The following NUP93 variants were observed in gnomAD, a reference collection of about 807,000 sequenced individuals.
NUP93 encodes the protein nuclear pore complex protein Nup93.
In NUP93, 55 loss-of-function variants were observed where a neutral mutation model predicts 107.8. The ratio of observed to expected loss-of-function variants is 0.51; its 90% confidence interval spans 0.41 to 0.64. The LOEUF (loss-of-function observed/expected upper bound fraction) is 0.64. NUP93 is among the 30% of genes least tolerant of loss of function. The probability of loss-of-function intolerance (pLI) is 0.00; values close to 1 mark genes in which losing one functional copy is unlikely to be tolerated. For synonymous variants in NUP93, 390 were observed against 397.5 expected, an observed-to-expected ratio of 0.98 and a Z score of 0.22; for missense variants, 937 against 1,044.7, an observed-to-expected ratio of 0.90 and a Z score of 1.42.
chr16:56,796,696 C>G (rs994682465), intron 3 of NUP93, among the ~76,000 whole-genome samples: 1 of 152,244 alleles, frequency 6.6e-6, no homozygotes, highest in East Asian at 1.9e-4. Flanking sequence ...AGCAAAAACA[C>G]AGCTGGGTAC....
intron 4 of NUP93, among the ~76,000 whole-genome samples, chr16:56,803,753 TA>T (rs1567395806): frequency 2.0e-5 from 3 of 147,948 alleles, no homozygotes; most frequent in Non-Finnish European, 4.5e-5. Flanking sequence ...GAAAAATATA[TA>T]TATATATATA....
chr16:56,806,239 C>T (rs1963136083), intron 5 of NUP93, among the ~76,000 whole-genome samples: 2 of 151,650 alleles, frequency 1.3e-5, no homozygotes, highest in Non-Finnish European at 2.9e-5. Flanking sequence ...CTTTTGTCCT[C>T]TCCATCTTGC....
Position 56,791,012 on chromosome 16 carries a change from C to T in NUP93, c.298-7464C>T, listed in dbSNP as rs535845598. Among the ~76,000 whole-genome samples, 4 of 152,210 alleles carry T rather than the reference C, an allele frequency of 2.6e-5. No homozygotes were observed. The East Asian group carries it at 7.7e-4, about 29-fold the overall frequency. Reference sequence around the variant, plus strand: ...ATGTTATTTTGATTTGGAATGTTGGCTGCAGATTTCCTATTAATTTGTATG... The same window carrying T: ...ATGTTATTTTGATTTGGAATGTTGGTTGCAGATTTCCTATTAATTTGTATG... On this transcript the variant is annotated intron_variant, in intron 3 of 21. Coordinates refer to ENST00000308159, the MANE Select transcript of NUP93 (RefSeq NM_014669.5).
rs1391499415 is a variant in NUP93 at position 56,805,576 on chromosome 16, C to G, written c.433C>G (p.Leu145Val). The G allele has an allele frequency of 6.2e-7, 1 of 1,614,108 alleles. No homozygotes were observed. Among genetic ancestry groups the G allele is most frequent in the Non-Finnish European group, 8.5e-7 (1 of 1,180,004 alleles). ...VEWEQVKQRI[L>V]HTLLASGEDA... Reference sequence around the variant, plus strand: ...GTGGGAGCAAGTGAAACAGCGAATTCTGCACACACTGCTGGCATCAGGAGA... The same window carrying G: ...GTGGGAGCAAGTGAAACAGCGAATTGTGCACACACTGCTGGCATCAGGAGA... The change falls in exon 5 of 22, where the codon CTG becomes GTG. Residue 145 changes from leucine to valine, a missense_variant. Leu to Val is a conservative substitution (Grantham distance 32). Transcript: ENST00000308159.
chr16:56,744,836 C>T (rs1292053826), intron 1 of NUP93, among the ~76,000 whole-genome samples: 7 of 152,140 alleles, frequency 4.6e-5, no homozygotes, highest in East Asian at 1.9e-4. Flanking sequence ...AGTTGGTAGT[C>T]TGATACCAAC....
chr16:56,796,034 A>G (rs1962890455), intron 3 of NUP93, among the ~76,000 whole-genome samples: 1 of 152,176 alleles, frequency 6.6e-6, no homozygotes, highest in Non-Finnish European at 1.5e-5. Flanking sequence ...TTGGGGTGTG[A>G]CAGCACCTGT....
chr16:56,754,112 A>G (rs1176786673), intron 2 of NUP93, among the ~76,000 whole-genome samples: 1 of 152,090 alleles, frequency 6.6e-6, no homozygotes, highest in Non-Finnish European at 1.5e-5. Flanking sequence ...TCTTCACATG[A>G]TGGAGCAGGA....
At chr16:56,761,561 A>ATTT (rs5817074) in intron 3 of NUP93, among the ~76,000 whole-genome samples, 18 of 150,158 alleles carry the variant, frequency 1.2e-4, no homozygotes, top group Admixed American at 4.0e-4. Flanking sequence ...CAATCAATGC[A>ATTT]TTTTTTTTTT....
intron 5 of NUP93, among the ~76,000 whole-genome samples, chr16:56,809,716 G>A (rs1963272197): frequency 6.6e-6 from 1 of 152,064 alleles, no homozygotes; most frequent in African/African-American, 2.4e-5. Flanking sequence ...ATCTATTCCT[G>A]GTTTGTTCCT....
intron 10 of NUP93, 106 bp from the exon 11 acceptor site, chr16:56,831,736 G>A (rs2144630585): frequency 6.8e-6 from 8 of 1,171,260 alleles, no homozygotes; most frequent in Middle Eastern, 2.6e-4. Flanking sequence ...CCCGGATGAA[G>A]GAAGGCTTCC....
chr16:56,741,456 TG>T (rs1961738330), intron 1 of NUP93, among the ~76,000 whole-genome samples: 2 of 152,324 alleles, frequency 1.3e-5, no homozygotes, highest in East Asian at 3.9e-4. Context: ...TGCTAGTAAA[TG>T]AACAGTCTGG....
In NUP93 at chr16:56,839,516, A is replaced by C. The variant is rs369508021; in HGVS notation, c.2137-5A>C. 4.6e-5 allele frequency: 74 copies of C among 1,607,282 alleles called. No individual in the cohort carries two copies. The highest frequency in any genetic ancestry group is 5.8e-5 in the Non-Finnish European group (68 of 1,177,640). ...TTACATGGGGCCGGTGGTTGTTTTA[A>C]ACAGATCATTGAGCGCTTGAAGCTG... is the stretch of plus-strand genomic sequence containing the variant. On this transcript the variant is annotated splice_region_variant and splice_polypyrimidine_tract_variant and intron_variant, in intron 19 of 21. Transcript: ENST00000308159.
chr16:56,834,895 T>G (rs1165435631), intron 16 of NUP93, 117 bp downstream of exon 16: 8 of 801,374 alleles, frequency 1.0e-5, no homozygotes, highest in Non-Finnish European at 5.8e-6. Context: ...TGAACAGAGT[T>G]GCTTAATTTA....
At chr16:56,773,386 G>A (rs1364821746) in intron 3 of NUP93, among the ~76,000 whole-genome samples, 2 of 152,220 alleles carry the variant, frequency 1.3e-5, no homozygotes, top group South Asian at 2.1e-4. Context: ...AGCAACAAAC[G>A]CATTGCAGAG....
In NUP93 at chr16:56,848,652, G is replaced by A. The variant is rs1964143180; in HGVS notation, c.*4043G>A. The stretch of plus-strand genomic sequence containing the variant: ...AGGAAAAAAGTTAAAAATTACTAAA[G>A]TGTTCTGAAAAGAGATTTCAAGTGG... On this transcript the variant is annotated 3_prime_UTR_variant, in exon 22 of 22. Coordinates refer to ENST00000308159, the MANE Select transcript of NUP93 (RefSeq NM_014669.5). The A allele has an allele frequency of 6.6e-6, 1 of 152,186 alleles. No homozygotes were observed. The highest frequency in any genetic ancestry group is 2.4e-5 in the African/African-American group (1 of 41,434). 9.4% of individuals were successfully genotyped at this position (152,186 alleles called of 1,614,324 possible). A position where few individuals can be genotyped will look rare whatever the true frequency, so the allele number is the denominator to read the frequency against.
intron 3 of NUP93, among the ~76,000 whole-genome samples, chr16:56,784,873 A>G (rs1410260259): frequency 6.6e-6 from 1 of 152,164 alleles, no homozygotes; most frequent in Admixed American, 6.5e-5. Flanking sequence ...TCTCTAATTA[A>G]TAGATGTTGG....
chr16:56,845,526 T>G lies in NUP93; in HGVS notation c.*917T>G, dbSNP rs569637699. ...ACATGGCATCAGCACCATGGGTGTTTGCTCCCTGAGCAGTAGTTGTCACCC... is the reference window on the plus strand; with the variant it reads ...ACATGGCATCAGCACCATGGGTGTTGGCTCCCTGAGCAGTAGTTGTCACCC... On this transcript the variant is annotated 3_prime_UTR_variant, in exon 22 of 22. Transcript: ENST00000308159. 6.6e-6 allele frequency: 1 copy of G among 152,384 alleles called. No individual in the cohort carries two copies. The highest frequency in any genetic ancestry group is 2.4e-5 in the African/African-American group (1 of 41,578). The allele number at this position is 152,384 out of a possible 1,614,324, so 9.4% of individuals were successfully genotyped here.
At chr16:56,770,733 T>A (rs1962304132) in intron 3 of NUP93, among the ~76,000 whole-genome samples, 1 of 152,052 alleles carries the variant, frequency 6.6e-6, no homozygotes, top group Non-Finnish European at 1.5e-5. Context: ...AGTGAGGGAC[T>A]GGTACATGAA....
chr16:56,788,904 T>A (rs1471373997), intron 3 of NUP93, among the ~76,000 whole-genome samples: 1 of 152,274 alleles, frequency 6.6e-6, no homozygotes, highest in African/African-American at 2.4e-5. Flanking sequence ...TTATTGCAGA[T>A]GACTTTCCCT....
Sources: gnomAD v4.1 joint callset for allele counts (sites outside exome capture counted in the v4.1 genomes callset) on GRCh38, gnomAD v4.1.1 for gene constraint, MANE v1.5 for transcripts, NCBI Gene and HGNC (gene_info 2026-07-23, HGNC 2026-07-21) for gene names.